Variants in METTL25 observed in about 807,000 individuals in gnomAD.
The protein encoded by METTL25 is methyltransferase like 25, also known as probable methyltransferase-like protein 25.
A neutral mutation model predicts 71.6 loss-of-function variants in METTL25; 64 were observed. That is an observed-to-expected ratio of 0.89 (90% CI 0.73 to 1.10). The LOEUF (loss-of-function observed/expected upper bound fraction) is 1.10, where lower values mean the gene tolerates loss of function less well. Ranked by LOEUF, METTL25 falls within the 50% of genes least tolerant of loss-of-function variation. The pLI is 0.00. For missense variants in METTL25, 807 were observed against 707.0 expected (o/e 1.14, Z -1.60); for synonymous variants, 287 against 250.3 (o/e 1.15, Z -1.38).
intron 1 of METTL25, among the ~76,000 whole-genome samples, chr12:82,359,867 T>A (rs8181705): frequency 0.92 from 140,168 of 152,294 alleles, 64,871 homozygotes; most frequent in East Asian, 1. Flanking sequence ...ATGCAAAGCA[T>A]CACTAGAGGG....
At chr12:82,407,943 CAG>C (rs1418039154) in intron 5 of METTL25, 1 of 984,822 alleles carries the variant, frequency 1.0e-6, no homozygotes, top group Non-Finnish European at 1.2e-6. Context: ...TGTAGTAAAA[CAG>C]AGAAGATGTG....
At chr12:82,386,330 T>C (rs1884996363) in intron 1 of METTL25, among the ~76,000 whole-genome samples, 1 of 152,180 alleles carries the variant, frequency 6.6e-6, no homozygotes, top group African/African-American at 2.4e-5. Context: ...TTGCCCGGGC[T>C]GACTACCTTT....
intron 9 of METTL25, among the ~76,000 whole-genome samples, chr12:82,476,118 A>G (rs564130397): frequency 6.6e-6 from 1 of 152,228 alleles, no homozygotes; most frequent in South Asian, 2.1e-4. Flanking sequence ...GCTAAATACA[A>G]GAGTTCAACA....
chr12:82,438,479 C>G (rs1890079930), intron 7 of METTL25: 1 of 299,648 alleles, frequency 3.3e-6, no homozygotes, highest in African/African-American at 2.3e-5. Flanking sequence ...TATAACTTTT[C>G]TTTCTTATTC....
At chr12:82,437,999 T>C (rs1363317286) in intron 7 of METTL25, among the ~76,000 whole-genome samples, 1 of 151,708 alleles carries the variant, frequency 6.6e-6, no homozygotes, top group Non-Finnish European at 1.5e-5. Context: ...AGTGAAGTGC[T>C]CTTTTATAAA....
intron 1 of METTL25, among the ~76,000 whole-genome samples, chr12:82,371,610 T>C (rs936312524): frequency 6.6e-6 from 1 of 152,168 alleles, no homozygotes; most frequent in Non-Finnish European, 1.5e-5. Flanking sequence ...TTCCCTATTA[T>C]AGAACACCAA....
At chr12:82,398,756 C>A in intron 3 of METTL25, 39 bp from the exon 4 acceptor site, 1 of 1,361,918 alleles carries the variant, frequency 7.3e-7, no homozygotes. Context: ...TTACCATTTG[C>A]CTAAAATTCT....
intron 5 of METTL25, among the ~76,000 whole-genome samples, chr12:82,410,171 A>G (rs777045129): frequency 1.3e-5 from 2 of 152,148 alleles, no homozygotes; most frequent in African/African-American, 2.4e-5. Context: ...AATATTCTAT[A>G]TATGATATTC....
intron 1 of METTL25, among the ~76,000 whole-genome samples, chr12:82,360,170 A>C (rs568800461): frequency 6.6e-6 from 1 of 152,350 alleles, no homozygotes; most frequent in South Asian, 2.1e-4. Flanking sequence ...ACTACTCTCA[A>C]GTTTAGAGTG....
chr12:82,368,318 A>G (rs974949103), intron 1 of METTL25, among the ~76,000 whole-genome samples: 2 of 151,932 alleles, frequency 1.3e-5, no homozygotes, highest in African/African-American at 4.8e-5. Flanking sequence ...TGGTGCCTAC[A>G]TTTTTTTTAG....
At chr12:82,418,879 A>T (rs1206355213) in intron 5 of METTL25, among the ~76,000 whole-genome samples, 1 of 152,168 alleles carries the variant, frequency 6.6e-6, no homozygotes, top group African/African-American at 2.4e-5. Flanking sequence ...TGGGTATGTG[A>T]TTGTGAAAAG....
chr12:82,422,888 A>C (rs1195126754), intron 5 of METTL25, among the ~76,000 whole-genome samples: 6 of 152,184 alleles, frequency 3.9e-5, no homozygotes, highest in African/African-American at 1.2e-4. Context: ...TGCTCAACAA[A>C]ATAAAAGAGG....
intron 5 of METTL25, among the ~76,000 whole-genome samples, chr12:82,429,639 T>G (rs766136270): frequency 5.9e-5 from 9 of 151,654 alleles, no homozygotes; most frequent in Non-Finnish European, 1.3e-4. Flanking sequence ...CATGCTGTTT[T>G]TCATATGGCT....
intron 1 of METTL25, among the ~76,000 whole-genome samples, chr12:82,366,742 A>G (rs879774993): frequency 3.9e-5 from 6 of 152,212 alleles, no homozygotes; most frequent in Admixed American, 1.3e-4. Flanking sequence ...TGAGAGCACA[A>G]CGGAGAAATA....
intron 4 of METTL25, among the ~76,000 whole-genome samples, chr12:82,400,822 G>T (rs958919339): frequency 6.6e-6 from 1 of 151,806 alleles, no homozygotes; most frequent in African/African-American, 2.4e-5. Context: ...AGGATAATAT[G>T]GTGACTACAT....
intron 1 of METTL25, among the ~76,000 whole-genome samples, chr12:82,359,097 A>G (rs1881417222): frequency 6.6e-6 from 1 of 152,230 alleles, no homozygotes; most frequent in Non-Finnish European, 1.5e-5. Context: ...TAGTAATTCC[A>G]TAATAATTGA....
Position 82,479,146 on chromosome 12 carries a change from A to C in METTL25, c.*122A>C. Reference sequence around the variant, plus strand: ...AAATGACTGTTATGTATTTTAAATAATAAAATAATGGCTAACAACAGAAGG... The same window carrying C: ...AAATGACTGTTATGTATTTTAAATACTAAAATAATGGCTAACAACAGAAGG... On this transcript the variant is annotated 3_prime_UTR_variant, in exon 12 of 12. Transcript: ENST00000248306. The C allele has an allele frequency of 1.6e-6, 1 of 631,586 alleles. No homozygotes were observed. The highest frequency in any genetic ancestry group is 2.7e-6 in the Non-Finnish European group (1 of 365,428). The allele number at this position is 631,586 out of a possible 1,614,324, so 39.1% of individuals were successfully genotyped here.
chr12:82,423,528 C>A (rs1340318967), intron 5 of METTL25, among the ~76,000 whole-genome samples: 1 of 152,134 alleles, frequency 6.6e-6, no homozygotes, highest in African/African-American at 2.4e-5. Flanking sequence ...CAACAAAAGC[C>A]AAAATTGACA....
chr12:82,363,862 A>G (rs1273215663), intron 1 of METTL25, among the ~76,000 whole-genome samples: 1 of 152,162 alleles, frequency 6.6e-6, no homozygotes, highest in South Asian at 2.1e-4. Flanking sequence ...AAAAAAGAGT[A>G]AGTCAATAAG....
Sources: allele counts gnomAD v4.1 joint callset (sites outside exome capture counted in the v4.1 genomes callset), GRCh38; gene constraint gnomAD v4.1.1; transcripts MANE v1.5; gene names NCBI Gene and HGNC (gene_info 2026-07-23, HGNC 2026-07-21).